Variants in ITIH5 observed in about 807,000 individuals in gnomAD.
The protein encoded by ITIH5 is inter-alpha-trypsin inhibitor heavy chain 5.
In ITIH5, 65 loss-of-function variants were observed where a neutral mutation model predicts 77.5. That is an observed-to-expected ratio of 0.84 (90% CI 0.69 to 1.03). ITIH5 has a LOEUF of 1.03. Ranked by LOEUF, ITIH5 falls within the 50% of genes least tolerant of loss-of-function variation. ITIH5 has a pLI of 0.00. For synonymous variants in ITIH5, 525 were observed against 494.3 expected (o/e 1.06, Z -0.82); for missense variants, 1,208 against 1,213.1 (o/e 1.00, Z 0.06).
intron 6 of ITIH5, 152 bp downstream of exon 6, chr10:7,616,961 C>T (rs539302276): frequency 9.0e-5 from 44 of 487,310 alleles, no homozygotes; most frequent in Admixed American, 7.8e-4. Flanking sequence ...AAAAAAATAC[C>T]GCTAGTCTCT....
chr10:7,650,055 A>G (rs567468851), intron 2 of ITIH5, among the ~76,000 whole-genome samples: 12 of 152,342 alleles, frequency 7.9e-5, no homozygotes, highest in African/African-American at 2.6e-4. Flanking sequence ...ACACAGATGG[A>G]AAAGTCATTT....
chr10:7,571,469 T>C (rs1832296204), intron 11 of ITIH5: 1 of 152,174 alleles, frequency 6.6e-6, no homozygotes. Context: ...CAGGCTGGAG[T>C]GCAATGGTGC....
intron 2 of ITIH5, among the ~76,000 whole-genome samples, chr10:7,649,520 GGATA>G (rs1487415423): frequency 3.4e-5 from 4 of 117,338 alleles, no homozygotes; most frequent in Admixed American, 8.1e-5. Context: ...ATAGATAGAT[GGATA>G]GATAGATAGG....
At chr10:7,655,442 G>GA (rs1834165142) in intron 2 of ITIH5, among the ~76,000 whole-genome samples, 189 bp downstream of exon 2, 1 of 150,020 alleles carries the variant, frequency 6.7e-6, no homozygotes, top group South Asian at 2.1e-4. Context: ...TCTCCTTCCA[G>GA]AAAAAAGAAA....
intron 5 of ITIH5, among the ~76,000 whole-genome samples, chr10:7,634,380 G>T (rs900488369): frequency 6.6e-6 from 1 of 152,174 alleles, no homozygotes; most frequent in African/African-American, 2.4e-5. Flanking sequence ...TAACCGCTGA[G>T]CTCTGAAAGA....
chr10:7,580,001 C>G lies in ITIH5; in HGVS notation c.1172G>C (p.Ser391Thr). 1 of 1,613,982 alleles carries G rather than the reference C, an allele frequency of 6.2e-7. No homozygotes were observed. The highest frequency in any genetic ancestry group is 8.5e-7 in the Non-Finnish European group (1 of 1,179,980). Residue 391 changes from serine (S) to threonine (T), a missense_variant, in exon 9 of 14, where the codon AGT (serine) becomes ACT (threonine). Ser to Thr is a moderately conservative substitution (Grantham distance 58). Transcript: ENST00000397146. ...GGACACGCTCCGGTCTCCAATGCCACTGTGGGCCACGTACTTGTTGAGGAG... is the reference window on the plus strand; with the variant it reads ...GGACACGCTCCGGTCTCCAATGCCAGTGTGGGCCACGTACTTGTTGAGGAG... ...IRLLNKYVAH[S>T]GIGDRSVSLI...
At chr10:7,592,850 G>T (rs1588382770) in intron 7 of ITIH5, among the ~76,000 whole-genome samples, 1 of 152,250 alleles carries the variant, frequency 6.6e-6, no homozygotes. Context: ...GTGCCGGCTG[G>T]GATGGGAGGG....
chr10:7,576,621 G>GCTGC lies in ITIH5; in HGVS notation c.1806_1809dup (p.Arg604AlafsTer70). 1.2e-6 allele frequency: 2 copies of GCTGC among 1,613,786 alleles called. No homozygotes were observed. The highest frequency in any genetic ancestry group is 1.7e-6 in the Non-Finnish European group (2 of 1,179,982). On this transcript the variant is annotated frameshift_variant, in exon 10 of 14. Transcript: ENST00000397146. LOFTEE classifies it high-confidence loss of function. ...TAGCTCACAGCCAGGGCCTGGGCCCGCTGCCGCAGCCGCTCCTTCTCCGGT... is the reference window on the plus strand; with the variant it reads ...TAGCTCACAGCCAGGGCCTGGGCCCGCTGCCTGCCGCAGCCGCTCCTTCTCCGGT...
chr10:7,629,438 G>C (rs11816224), intron 5 of ITIH5, among the ~76,000 whole-genome samples: 1 of 148,980 alleles, frequency 6.7e-6, no homozygotes, highest in Non-Finnish European at 1.5e-5. Context: ...TCCGTGTTGT[G>C]GCATGCATCC....
chr10:7,635,349 CCT>C (rs1046776650), intron 5 of ITIH5, among the ~76,000 whole-genome samples: 25 of 152,264 alleles, frequency 1.6e-4, no homozygotes, highest in African/African-American at 5.5e-4. Flanking sequence ...AGTTATTACC[CCT>C]GTTTCCCAGA....
Position 7,562,865 on chromosome 10 carries a change from G to C in ITIH5, c.*218C>G. On this transcript the variant is annotated 3_prime_UTR_variant, in exon 14 of 14. Transcript: ENST00000397146. ...GGCAGGGTGGGGAGAGGCAGGAAGA[G>C]GCAGTAGAGGGAAATGACATTTGCA... The C allele has an allele frequency of 1.7e-6, 1 of 592,856 alleles. No homozygotes were observed. Among genetic ancestry groups the C allele is most frequent in the Non-Finnish European group, 3.0e-6 (1 of 328,826 alleles). 36.7% of individuals were successfully genotyped at this position (592,856 alleles called of 1,614,324 possible).
Position 7,617,348 on chromosome 10 carries a change from G to T in ITIH5, c.653-66C>A, listed in dbSNP as rs141021968. On this transcript the variant is annotated intron_variant, in intron 5 of 13. Transcript: ENST00000397146. ...ATTTTTCCAAAAAGAAATAAAAACT[G>T]TTTGGCAGACACAGAGTTTTAGATT... The T allele has an allele frequency of 1.5e-3, 1,605 of 1,048,466 alleles. 49 individuals are homozygous for T. In the East Asian group the frequency reaches 0.043, roughly 28 times the overall value. 64.9% of individuals were successfully genotyped at this position (1,048,466 alleles called of 1,614,324 possible). A position where few individuals can be genotyped will look rare whatever the true frequency, so the allele number is the denominator to read the frequency against.
At chr10:7,594,030 C>T (rs1015878684) in intron 7 of ITIH5, among the ~76,000 whole-genome samples, 4 of 152,230 alleles carry the variant, frequency 2.6e-5, no homozygotes, top group Non-Finnish European at 5.9e-5. Flanking sequence ...TTCTGCACAT[C>T]GTGTTCAGAT....
rs6602256 is a variant in ITIH5 at position 7,637,430 on chromosome 10, C to T, written c.450G>A (p.Lys150=). ...AACTCAGGAAAAAGGCGGCTTTGTCCTTGCTGGGAATCACTGCAGAAGCTC... is the reference window on the plus strand; with the variant it reads ...AACTCAGGAAAAAGGCGGCTTTGTCTTTGCTGGGAATCACTGCAGAAGCTC... The part of the protein sequence containing the change: ...IFRASAVIPS[K]DKAAFFLSYE... The change falls in exon 5 of 14, where the codon AAG becomes AAA. Residue 150 remains lysine, a synonymous_variant. Transcript: ENST00000397146. 0.34 allele frequency: 555,185 copies of T among 1,613,728 alleles called. 100,947 individuals carry two copies. Among genetic ancestry groups the T allele is most frequent in the African/African-American group, 0.57 (43,049 of 74,898 alleles).
chr10:7,563,634 C>A (rs1459722770), intron 13 of ITIH5, among the ~76,000 whole-genome samples: 1 of 152,194 alleles, frequency 6.6e-6, no homozygotes, highest in African/African-American at 2.4e-5. Flanking sequence ...AGTTGTGTAA[C>A]CTACACATAG....
At chr10:7,632,900 T>C (rs998461386) in intron 5 of ITIH5, among the ~76,000 whole-genome samples, 5 of 152,194 alleles carry the variant, frequency 3.3e-5, no homozygotes, top group African/African-American at 1.2e-4. Context: ...GAAAATTTTC[T>C]GCCAAAAAAA....
At chr10:7,660,553 G>A (rs1030038416) in intron 1 of ITIH5, among the ~76,000 whole-genome samples, 3 of 152,050 alleles carry the variant, frequency 2.0e-5, no homozygotes, top group African/African-American at 7.2e-5. Flanking sequence ...AACCTACCCC[G>A]TTATCAATTA....
rs1832019257 is a variant in ITIH5, at chr10:7,560,398, A to G, written c.*2685T>C. Reference sequence around the variant, plus strand: ...ACGATTCAATTAAATGTTGAATGTTACTCCCTAGAGAAACACAGAGGTGCC... The same window carrying G: ...ACGATTCAATTAAATGTTGAATGTTGCTCCCTAGAGAAACACAGAGGTGCC... On this transcript the variant is annotated 3_prime_UTR_variant, in exon 14 of 14. Coordinates refer to ENST00000397146, the MANE Select transcript of ITIH5 (RefSeq NM_030569.7). 6.6e-6 allele frequency: 1 copy of G among 152,196 alleles called. No individual in the cohort carries two copies. Among genetic ancestry groups the G allele is most frequent in the South Asian group, 2.1e-4 (1 of 4,826 alleles). The allele number at this position is 152,196 out of a possible 1,614,324, so 9.4% of individuals were successfully genotyped here.
intron 5 of ITIH5, among the ~76,000 whole-genome samples, chr10:7,624,190 T>C (rs1436101494): frequency 6.6e-6 from 1 of 152,154 alleles, no homozygotes; most frequent in Non-Finnish European, 1.5e-5. Flanking sequence ...GCAAGCACAC[T>C]TTCTAAAAGT....
Sources: allele counts gnomAD v4.1 joint callset (sites outside exome capture counted in the v4.1 genomes callset), GRCh38; gene constraint gnomAD v4.1.1; transcripts MANE v1.5; gene names NCBI Gene and HGNC (gene_info 2026-07-23, HGNC 2026-07-21).